TMEM123: variants seen among roughly 807,000 people sequenced by gnomAD.
The protein encoded by TMEM123 is transmembrane protein 123, also known as porimin.
Under a neutral mutation model 19.7 loss-of-function variants are expected in TMEM123, and 16 were observed. The ratio of observed to expected loss-of-function variants is 0.81; its 90% CI spans 0.55 to 1.23. The LOEUF is 1.23. Among genes scored for constraint, TMEM123 ranks in the 50% most tolerant of loss-of-function variants. The pLI is 0.00. For missense variants in TMEM123, 313 were observed against 257.8 expected (o/e 1.21, Z -1.47); for synonymous variants, 118 against 99.4 (o/e 1.19, Z -1.12).
chr11:102,421,711 A>G (rs1250431172), intron 2 of TMEM123, among the ~76,000 whole-genome samples: 3 of 152,216 alleles, frequency 2.0e-5, no homozygotes, highest in Admixed American at 6.5e-5. Context: ...CTAAAAACAC[A>G]TATTGTTTAA....
intron 4 of TMEM123, 103 bp from the exon 5 acceptor site, chr11:102,398,994 G>A: frequency 2.8e-6 from 3 of 1,063,114 alleles, no homozygotes; most frequent in East Asian, 2.5e-5. Context: ...ATTTCAAGCT[G>A]CACAATCAAA....
chr11:102,437,614 G>T (rs769607056), intron 2 of TMEM123, among the ~76,000 whole-genome samples: 6 of 152,104 alleles, frequency 3.9e-5, no homozygotes, highest in Non-Finnish European at 7.4e-5. Flanking sequence ...CATACTTCAG[G>T]AAAGAAAGCA....
intron 2 of TMEM123, among the ~76,000 whole-genome samples, chr11:102,431,451 A>C (rs1310325278): frequency 1.3e-5 from 2 of 152,206 alleles, no homozygotes; most frequent in Non-Finnish European, 2.9e-5. Flanking sequence ...ATACACGATA[A>C]ACTATATTCA....
chr11:102,397,267 G>A lies in TMEM123; in HGVS notation c.*1600C>T, dbSNP rs572008819. The A allele has an allele frequency of 4.6e-5, 7 of 151,964 alleles. No individual in the cohort carries two copies. The highest frequency in any genetic ancestry group is 6.6e-5 in the Admixed American group (1 of 15,250). The allele number at this position is 151,964 out of a possible 1,614,324, so 9.4% of individuals were successfully genotyped here. ...CATTTCAAAATTCTTAATATCTAGC[G>A]TTCTCTGTAAAACAAAAGCTGACAA... On this transcript the variant is annotated 3_prime_UTR_variant, in exon 5 of 5. Transcript: ENST00000398136.
chr11:102,448,970 G>T, intron 1 of TMEM123, 102 bp from the exon 2 acceptor site: 1 of 1,134,126 alleles, frequency 8.8e-7, no homozygotes, highest in Non-Finnish European at 1.3e-6. Flanking sequence ...GTGGTGTCAG[G>T]AGGGTAGATT....
chr11:102,425,734 C>A (rs190803756), intron 2 of TMEM123, among the ~76,000 whole-genome samples: 1 of 152,064 alleles, frequency 6.6e-6, no homozygotes, highest in Admixed American at 6.5e-5. Context: ...CAGGCATGTG[C>A]CACCACACCT....
At chr11:102,408,655 A>G (rs1251915232) in intron 2 of TMEM123, among the ~76,000 whole-genome samples, 1 of 152,208 alleles carries the variant, frequency 6.6e-6, no homozygotes, top group African/African-American at 2.4e-5. Flanking sequence ...ATTTCATTAA[A>G]TGTAACTCCC....
chr11:102,433,062 GGCAGT>G (rs1857728624), intron 2 of TMEM123, among the ~76,000 whole-genome samples: 1 of 151,988 alleles, frequency 6.6e-6, no homozygotes, highest in South Asian at 2.1e-4. Context: ...ACTCTGCTAG[GGCAGT>G]GCAGAAGGGA....
chr11:102,430,627 CA>C (rs1189314665), intron 2 of TMEM123, among the ~76,000 whole-genome samples: 3 of 152,086 alleles, frequency 2.0e-5, no homozygotes, highest in Non-Finnish European at 4.4e-5. Flanking sequence ...GCAGAGAGGG[CA>C]GAGAAAGGAG....
chr11:102,401,742 T>TA (rs780534447), intron 3 of TMEM123, 50 bp from the exon 4 acceptor site: 3 of 1,477,176 alleles, frequency 2.0e-6, no homozygotes, highest in African/African-American at 2.9e-5. Context: ...TTTTTTTTTT[T>TA]AACATTGTAA....
chr11:102,449,124 G>T, intron 1 of TMEM123: 1 of 342,776 alleles, frequency 2.9e-6, no homozygotes, highest in Non-Finnish European at 5.6e-6. Context: ...CTATATACCA[G>T]CCACCGAATG....
At chr11:102,440,305 T>A (rs544860084) in intron 2 of TMEM123, among the ~76,000 whole-genome samples, 10 of 152,124 alleles carry the variant, frequency 6.6e-5, no homozygotes, top group Non-Finnish European at 4.4e-5. Context: ...GAGAGAAAGG[T>A]TGGGTTATCC....
At chr11:102,400,025 A>G (rs140425894) in intron 4 of TMEM123, among the ~76,000 whole-genome samples, 1 of 152,184 alleles carries the variant, frequency 6.6e-6, no homozygotes, top group Non-Finnish European at 1.5e-5. Context: ...TATTAGTAAT[A>G]TAACTGTTAG....
At chr11:102,402,818 G>T (rs1372355643) in intron 2 of TMEM123, among the ~76,000 whole-genome samples, 1 of 152,218 alleles carries the variant, frequency 6.6e-6, no homozygotes, top group African/African-American at 2.4e-5. Flanking sequence ...CCCATAGTTG[G>T]AAGGACAGTT....
intron 1 of TMEM123, 184 bp from the exon 2 acceptor site, chr11:102,449,052 G>A (rs1449249309): frequency 1.3e-5 from 7 of 556,048 alleles, no homozygotes; most frequent in Non-Finnish European, 2.3e-5. Context: ...AAAAGGGACT[G>A]TATTACCAGG....
chr11:102,450,660 G>A (rs1333268233), intron 1 of TMEM123, among the ~76,000 whole-genome samples: 3 of 152,176 alleles, frequency 2.0e-5, no homozygotes, highest in Admixed American at 6.5e-5. Context: ...GTGGTGAAAT[G>A]GTTAATTGAA....
At chr11:102,401,832 A>T in intron 3 of TMEM123, 84 bp downstream of exon 3, 1 of 1,528,630 alleles carries the variant, frequency 6.5e-7, no homozygotes. Context: ...TTTCTATATT[A>T]TTTTTGCCAG....
intron 2 of TMEM123, among the ~76,000 whole-genome samples, chr11:102,423,826 G>C (rs1482802026): frequency 2.0e-5 from 3 of 152,100 alleles, no homozygotes; most frequent in Non-Finnish European, 4.4e-5. Flanking sequence ...GAAGACAAAG[G>C]GAGGGAGGAA....
intron 2 of TMEM123, among the ~76,000 whole-genome samples, chr11:102,410,448 C>G: frequency 6.6e-6 from 1 of 150,820 alleles, no homozygotes; most frequent in Non-Finnish European, 1.5e-5. Flanking sequence ...ACGCTTTTCC[C>G]ATAGGTCTTG....
Sources: gnomAD v4.1 joint callset for allele counts (sites outside exome capture counted in the v4.1 genomes callset) on GRCh38, gnomAD v4.1.1 for gene constraint, MANE v1.5 for transcripts, NCBI Gene and HGNC (gene_info 2026-07-23, HGNC 2026-07-21) for gene names.